Variants in RNF182 observed in about 807,000 individuals in gnomAD.
RNF182 encodes ring finger protein 182.
In RNF182, 15 loss-of-function variants were observed where a neutral mutation model predicts 14.4. The ratio of observed to expected loss-of-function variants is 1.04; its 90% CI spans 0.70 to 1.60. The LOEUF (loss-of-function observed/expected upper bound fraction) is 1.60. RNF182 is among the 40% of genes most tolerant of loss of function. RNF182 has a pLI of 0.00. For synonymous variants in RNF182, 128 were observed against 122.9 expected, an observed-to-expected ratio of 1.04 and a Z score of -0.27; for missense variants, 268 against 294.8, an observed-to-expected ratio of 0.91 and a Z score of 0.67.
At chr6:13,958,898 G>A (rs1459744083) in intron 1 of RNF182, among the ~76,000 whole-genome samples, 3 of 152,144 alleles carry the variant, frequency 2.0e-5, no homozygotes, top group Non-Finnish European at 4.4e-5. Flanking sequence ...ATAGATTAAT[G>A]CTCTTCTTTG....
intron 1 of RNF182, among the ~76,000 whole-genome samples, chr6:13,929,071 T>C (rs1758904134): frequency 1.3e-5 from 2 of 152,208 alleles, no homozygotes; most frequent in African/African-American, 4.8e-5. Context: ...TGCCTCCATT[T>C]TTCCTCCCAA....
intron 1 of RNF182, among the ~76,000 whole-genome samples, chr6:13,960,499 C>CA: frequency 6.6e-6 from 1 of 152,212 alleles, no homozygotes; most frequent in Admixed American, 6.5e-5. Flanking sequence ...CAAACACAAA[C>CA]AAAAAACCAA....
chr6:13,964,152 A>T lies in RNF182; in HGVS notation c.-366-10058A>T, dbSNP rs902442499. ...ACAGGTCTTTGAATTAAAAGGTAGA[A>T]CTTGAAAGGCATTATTTAGGAAAGA... On this transcript the variant is annotated intron_variant, in intron 1 of 2. Coordinates refer to ENST00000488300, the MANE Select transcript of RNF182 (RefSeq NM_152737.4). 3.3e-5 allele frequency among the ~76,000 whole-genome samples: 5 copies of T among 152,172 alleles called. 1 individual carries two copies. The South Asian group carries it at 1.0e-3, about 31-fold the overall frequency.
intron 1 of RNF182, among the ~76,000 whole-genome samples, chr6:13,954,823 C>T (rs905293290): frequency 1.3e-5 from 2 of 152,154 alleles, no homozygotes; most frequent in African/African-American, 2.4e-5. Context: ...CCCTGTATTT[C>T]CTGTGAACAG....
Position 13,977,091 on chromosome 6 carries a change from C to G in RNF182, c.-29C>G, listed in dbSNP as rs1023159557. On this transcript the variant is annotated 5_prime_UTR_variant, in exon 3 of 3. Transcript: ENST00000488300. ...AAAGCCATTCTTCAACAAGACCCAC[C>G]TGGCATAAGATTGCACACATAATTC... The G allele has an allele frequency of 3.2e-6, 5 of 1,581,612 alleles. No individual in the cohort carries two copies. Among genetic ancestry groups the G allele is most frequent in the Non-Finnish European group, 4.3e-6 (5 of 1,161,954 alleles).
intron 1 of RNF182, 24 bp from the exon 2 acceptor site, chr6:13,974,186 C>T (rs752211367): frequency 6.6e-6 from 1 of 151,924 alleles, no homozygotes; most frequent in Non-Finnish European, 1.5e-5. Flanking sequence ...GGAACAATCA[C>T]CATGCTCTTT....
chr6:13,973,528 G>T (rs1249474235), intron 1 of RNF182, among the ~76,000 whole-genome samples: 3 of 152,114 alleles, frequency 2.0e-5, no homozygotes, highest in African/African-American at 7.2e-5. Flanking sequence ...TTGAATCATG[G>T]AGTCAGTTTC....
chr6:13,958,176 A>G (rs1759775961), intron 1 of RNF182, among the ~76,000 whole-genome samples: 1 of 152,122 alleles, frequency 6.6e-6, no homozygotes, highest in Admixed American at 6.5e-5. Flanking sequence ...TCACGAGGTC[A>G]AGAGATAGAG....
intron 2 of RNF182, among the ~76,000 whole-genome samples, chr6:13,976,434 A>G (rs1760326268): frequency 6.6e-6 from 1 of 152,262 alleles, no homozygotes; most frequent in Admixed American, 6.5e-5. Context: ...AGTCTCTGAA[A>G]ACACATTTTT....
chr6:13,977,689 T>G lies in RNF182; in HGVS notation c.570T>G (p.Gly190=), dbSNP rs41267690. 3,459 of 1,614,020 alleles carry G rather than the reference T, an allele frequency of 2.1e-3. 5 individuals are homozygous for G. The highest frequency in any genetic ancestry group is 2.7e-3 in the Non-Finnish European group (3,179 of 1,180,018). The change falls in exon 3 of 3, where the codon GGT becomes GGG. Residue 190 remains glycine (G), a synonymous_variant. Coordinates refer to ENST00000488300, the MANE Select transcript of RNF182 (RefSeq NM_152737.4). ...TSIRVLVWLL[G]LLYFSSLPLG... ...TCCGGGTGTTAGTGTGGTTGCTAGG[T>G]TTGCTCTACTTCAGCTCCTTACCCT... is the stretch of plus-strand genomic sequence containing the variant.
In RNF182 at chr6:13,967,266, A is replaced by G. The variant is rs527434560; in HGVS notation, c.-366-6944A>G. Among the ~76,000 whole-genome samples the G allele has an allele frequency of 3.3e-5, 5 of 152,374 alleles. No homozygotes were observed. In the East Asian group the frequency reaches 9.6e-4, roughly 29 times the overall value. ...CTTTAGATAAGGTATAAAGGTTGAT[A>G]TTTAAGTTAAAGGCATAAATAGGAT... On this transcript the variant is annotated intron_variant, in intron 1 of 2. Coordinates refer to ENST00000488300, the MANE Select transcript of RNF182 (RefSeq NM_152737.4).
chr6:13,955,664 A>G (rs1188086582), intron 1 of RNF182, among the ~76,000 whole-genome samples: 1 of 152,230 alleles, frequency 6.6e-6, no homozygotes, highest in Middle Eastern at 3.2e-3. Flanking sequence ...GCTCCATGGC[A>G]GAATGTTTCC....
intron 1 of RNF182, among the ~76,000 whole-genome samples, chr6:13,951,712 T>C (rs535798618): frequency 6.6e-6 from 1 of 152,300 alleles, no homozygotes; most frequent in East Asian, 1.9e-4. Context: ...TTTCTCTGAG[T>C]GGCTCTGATA....
intron 1 of RNF182, among the ~76,000 whole-genome samples, chr6:13,964,204 T>C (rs1016699393): frequency 3.3e-5 from 5 of 152,200 alleles, no homozygotes; most frequent in Admixed American, 6.5e-5. Context: ...AAAATGATTC[T>C]CATACCCTTG....
At chr6:13,937,640 A>G (rs1759166409) in intron 1 of RNF182, among the ~76,000 whole-genome samples, 1 of 152,212 alleles carries the variant, frequency 6.6e-6, no homozygotes, top group Non-Finnish European at 1.5e-5. Context: ...ATTCTTATAC[A>G]TGTGTATGTG....
intron 2 of RNF182, among the ~76,000 whole-genome samples, chr6:13,974,595 A>T (rs1760276809): frequency 6.6e-6 from 1 of 152,184 alleles, no homozygotes; most frequent in Non-Finnish European, 1.5e-5. Flanking sequence ...ATCAGCTAGA[A>T]ATTGTGGCTG....
intron 1 of RNF182, among the ~76,000 whole-genome samples, chr6:13,960,656 A>AGT (rs745687828): frequency 0.04 from 5,331 of 133,094 alleles, 115 homozygotes; most frequent in East Asian, 0.092. Context: ...GGAGAGAGAG[A>AGT]GTGTGTGTGT....
At chr6:13,963,558 C>T (rs564299432) in intron 1 of RNF182, among the ~76,000 whole-genome samples, 1 of 152,268 alleles carries the variant, frequency 6.6e-6, no homozygotes, top group South Asian at 2.1e-4. Flanking sequence ...TTAGTTGAGG[C>T]TGGATGGTCT....
Position 13,945,613 on chromosome 6 carries a change from A to G in RNF182, c.-367+20590A>G, listed in dbSNP as rs577976355. Reference sequence around the variant, plus strand: ...CCTTAAAAAAATTTTTGTCACTACAATGTTTTAACAATTTCAAAGATTGAC... The same window carrying G: ...CCTTAAAAAAATTTTTGTCACTACAGTGTTTTAACAATTTCAAAGATTGAC... On this transcript the variant is annotated intron_variant, in intron 1 of 2. Coordinates refer to ENST00000488300, the MANE Select transcript of RNF182 (RefSeq NM_152737.4). 5.9e-5 allele frequency among the ~76,000 whole-genome samples: 9 copies of G among 152,372 alleles called. No individual in the cohort carries two copies. The South Asian group carries it at 8.3e-4, about 14-fold the overall frequency.
Sources: allele counts gnomAD v4.1 joint callset (sites outside exome capture counted in the v4.1 genomes callset), GRCh38; gene constraint gnomAD v4.1.1; transcripts MANE v1.5; gene names NCBI Gene and HGNC (gene_info 2026-07-23, HGNC 2026-07-21).